HUWE1: variants seen among roughly 807,000 people sequenced by gnomAD.
HUWE1 encodes HECT, UBA and WWE domain containing E3 ubiquitin protein ligase 1.
HUWE1 carries 18 observed loss-of-function variants against 299.4 expected under a neutral mutation model. The ratio of observed to expected loss-of-function variants is 0.06; its 90% CI spans 0.04 to 0.09. HUWE1 has a LOEUF of 0.09. Among genes scored for constraint, HUWE1 ranks in the 10% least tolerant of loss-of-function variants. The probability of loss-of-function intolerance (pLI) is 1.00; values close to 1 mark genes in which losing one functional copy is unlikely to be tolerated. For missense variants in HUWE1, 1,832 were observed against 3,462.3 expected (o/e 0.53, Z 11.82); for synonymous variants, 1,317 against 1,286.1 (o/e 1.02, Z -0.51).
intron 3 of HUWE1, among the ~76,000 whole-genome samples, chrX:53,657,305 G>A (rs892291907): frequency 8.9e-6 from 1 of 112,237 alleles, no homozygotes; most frequent in Non-Finnish European, 1.9e-5. Context: ...CAGGCGCAGT[G>A]GCTCATGCCT....
At chrX:53,583,203 G>A (rs1350261299) in intron 42 of HUWE1, among the ~76,000 whole-genome samples, 3 of 109,391 alleles carry the variant, frequency 2.7e-5, no homozygotes, top group African/African-American at 1.0e-4. Flanking sequence ...CTGAACACCC[G>A]AGAGGTACTC....
intron 82 of HUWE1, 32 bp downstream of exon 82, chrX:53,534,484 C>T: frequency 1.7e-6 from 2 of 1,166,865 alleles, no homozygotes; most frequent in Non-Finnish European, 2.3e-6. Flanking sequence ...GGTAAGAGGA[C>T]CATATGAGGA....
At chrX:53,572,457 G>T (rs1000503705) in intron 47 of HUWE1, among the ~76,000 whole-genome samples, 1 of 111,747 alleles carries the variant, frequency 8.9e-6, no homozygotes, top group African/African-American at 3.3e-5. Context: ...TAAAAATGGC[G>T]GTTGCTTTCA....
chrX:53,647,548 C>T lies in HUWE1; in HGVS notation c.171G>A (p.Leu57=). ...GKCELYHWVD[L]LDRFDGILAD... Reference sequence around the variant, plus strand: ...CCAGTATTCCATCGAAGCGGTCCAACAGGTCCACCCAGTGATATAACTCGC... The same window carrying T: ...CCAGTATTCCATCGAAGCGGTCCAATAGGTCCACCCAGTGATATAACTCGC... Residue 57 remains leucine (L), a synonymous_variant, in exon 6 of 84, where the codon CTG becomes CTA. Coordinates refer to ENST00000262854, the MANE Select transcript of HUWE1 (RefSeq NM_031407.7). 1 of 1,205,608 alleles carries T rather than the reference C, an allele frequency of 8.3e-7. No homozygotes were observed. The highest frequency in any genetic ancestry group is 1.1e-6 in the Non-Finnish European group (1 of 889,820).
rs782402996 is a variant in HUWE1, at chrX:53,592,648, T to G, written c.3742-20A>C. On this transcript the variant is annotated intron_variant, in intron 32 of 83. Coordinates refer to ENST00000262854, the MANE Select transcript of HUWE1 (RefSeq NM_031407.7). ...GGCTGCCTGTAAGTAATTTGAAAAG[T>G]GTGTGAAAATCATTTTGCTTCAATT... 4.8e-5 allele frequency: 52 copies of G among 1,083,636 alleles called. No homozygotes were observed. Among genetic ancestry groups the G allele is most frequent in the Non-Finnish European group, 5.8e-5 (46 of 786,978 alleles). The allele number at this position is 1,083,636 out of a possible 1,213,427, so 89.3% of individuals were successfully genotyped here. A position where few individuals can be genotyped will look rare whatever the true frequency, so the allele number is the denominator to read the frequency against.
chrX:53,673,286 T>C (rs1240622794), intron 3 of HUWE1, among the ~76,000 whole-genome samples: 1 of 111,535 alleles, frequency 9.0e-6, no homozygotes, highest in Non-Finnish European at 1.9e-5. Context: ...TATCTCCTGT[T>C]TACCTATACA....
chrX:53,664,899 T>C (rs1435616319), intron 3 of HUWE1, among the ~76,000 whole-genome samples: 2 of 111,602 alleles, frequency 1.8e-5, no homozygotes, highest in African/African-American at 6.5e-5. Flanking sequence ...CCTATCTAGT[T>C]TCTGATTATC....
intron 53 of HUWE1, among the ~76,000 whole-genome samples, chrX:53,562,533 T>C (rs1329726282): frequency 9.0e-6 from 1 of 111,380 alleles, no homozygotes; most frequent in African/African-American, 3.3e-5. Context: ...CCCCTTGCCT[T>C]TTCAGCCCTA....
chrX:53,627,620 A>G (rs1375677358), intron 16 of HUWE1, 105 bp from the exon 17 acceptor site: 11 of 810,460 alleles, frequency 1.4e-5, no homozygotes, highest in Non-Finnish European at 2.0e-5. Flanking sequence ...AAGCAGATAC[A>G]CAGTTGATTT....
At chrX:53,655,487 G>A (rs2068702991) in intron 3 of HUWE1, among the ~76,000 whole-genome samples, 1 of 112,008 alleles carries the variant, frequency 8.9e-6, no homozygotes, top group Admixed American at 9.4e-5. Flanking sequence ...GATATTTAGG[G>A]TGTGTAATTC....
chrX:53,588,827 A>G (rs1194226643), intron 36 of HUWE1, among the ~76,000 whole-genome samples: 1 of 111,753 alleles, frequency 8.9e-6, no homozygotes, highest in African/African-American at 3.2e-5. Context: ...CAACCCCAAA[A>G]AGGTTCTATC....
In HUWE1 at chrX:53,563,798, C is replaced by G. The variant is rs150393850; in HGVS notation, c.7053G>C (p.Leu2351=). 4 of 1,209,563 alleles carry G rather than the reference C, an allele frequency of 3.3e-6. No individual in the cohort carries two copies. Among genetic ancestry groups the G allele is most frequent in the African/African-American group, 1.7e-5 (1 of 57,195 alleles). Reference sequence around the variant, plus strand: ...CATCCCTCTCAAGCAACTCATCTATCAGGTCCTCCAGCTCATTCTCAACCT... The same window carrying G: ...CATCCCTCTCAAGCAACTCATCTATGAGGTCCTCCAGCTCATTCTCAACCT... ...EMQVENELED[L]IDELLERDGG... Residue 2351 remains leucine (L), a synonymous_variant, in exon 52 of 84, where the codon CTG becomes CTC. Transcript: ENST00000262854.
intron 66 of HUWE1, 103 bp from the exon 67 acceptor site, chrX:53,549,608 CT>C (rs1319274465): frequency 2.8e-6 from 2 of 721,917 alleles, no homozygotes; most frequent in Non-Finnish European, 4.2e-6. Flanking sequence ...TCCAAGGAGG[CT>C]TGAGAAAGGT....
At chrX:53,562,012 G>GA (rs1157248561) in intron 54 of HUWE1, 88 bp from the exon 55 acceptor site, 1 of 1,208,935 alleles carries the variant, frequency 8.3e-7, no homozygotes, top group Non-Finnish European at 1.1e-6. Flanking sequence ...ATGAGGGAGG[G>GA]AGACGCTGAG....
intron 27 of HUWE1, among the ~76,000 whole-genome samples, chrX:53,602,938 A>C (rs1603028923): frequency 2.0e-5 from 2 of 97,959 alleles, no homozygotes; most frequent in Admixed American, 1.2e-4. Flanking sequence ...TGCAACCTCC[A>C]CCTCCGGGGT....
chrX:53,534,433 C>G, intron 82 of HUWE1, 83 bp downstream of exon 82: 2 of 888,365 alleles, frequency 2.3e-6, no homozygotes, highest in South Asian at 2.3e-5. Flanking sequence ...TCTAAGAGTA[C>G]TACTGGTTTA....
chrX:53,555,858 T>C (rs1462267087), intron 60 of HUWE1, among the ~76,000 whole-genome samples: 2 of 108,666 alleles, frequency 1.8e-5, no homozygotes, highest in Non-Finnish European at 3.8e-5. Flanking sequence ...GCCAGGTTGG[T>C]CTCGAACTCC....
At position 53,677,595 on chromosome X, in the gene HUWE1, T is replaced by TAAA. The variant is rs144242491; in HGVS notation, c.-25+2451_-25+2453dup. 4.5e-5 allele frequency among the ~76,000 whole-genome samples: 3 copies of TAAA among 66,767 alleles called. No individual in the cohort carries two copies. The South Asian group carries it at 1.9e-3, about 42-fold the overall frequency. 58.0% of individuals were successfully genotyped at this position (66,767 alleles called of 115,157 possible). ...GCCGTAATAAAGAATATTGGAAGTT[T>TAAA]AAAAAAAAAAAAAAAAAAAGCAAAG... On this transcript the variant is annotated intron_variant, in intron 3 of 83. Coordinates refer to ENST00000262854, the MANE Select transcript of HUWE1 (RefSeq NM_031407.7).
intron 19 of HUWE1, among the ~76,000 whole-genome samples, chrX:53,619,215 A>G (rs1309032251): frequency 9.0e-6 from 1 of 111,353 alleles, no homozygotes; most frequent in Non-Finnish European, 1.9e-5. Context: ...GGCCTTTGGG[A>G]TTCCTCATGG....
Sources: gnomAD v4.1 joint callset for allele counts (sites outside exome capture counted in the v4.1 genomes callset) on GRCh38, gnomAD v4.1.1 for gene constraint, MANE v1.5 for transcripts, NCBI Gene and HGNC (gene_info 2026-07-23, HGNC 2026-07-21) for gene names.